PTPRG: variants seen among roughly 807,000 people sequenced by gnomAD.
PTPRG encodes protein tyrosine phosphatase receptor type G.
Under a neutral mutation model 165.3 loss-of-function variants are expected in PTPRG, and 102 were observed. That is an observed-to-expected ratio of 0.62 (90% confidence interval 0.53 to 0.73). The LOEUF is 0.73. Ranked by LOEUF, PTPRG falls within the 30% of genes least tolerant of loss-of-function variation. PTPRG has a pLI of 0.00. For missense variants in PTPRG, 1,866 were observed against 1,861.4 expected (o/e 1.00, Z -0.05); for synonymous variants, 675 against 669.5 (o/e 1.01, Z -0.13).
At chr3:61,963,857 A>G (rs944043633) in intron 2 of PTPRG, among the ~76,000 whole-genome samples, 1 of 152,108 alleles carries the variant, frequency 6.6e-6, no homozygotes, top group Admixed American at 6.6e-5. Flanking sequence ...TGTTGAAAAT[A>G]TGTGCAATAT....
chr3:62,106,454 T>C (rs1481867585), intron 5 of PTPRG, among the ~76,000 whole-genome samples: 2 of 152,046 alleles, frequency 1.3e-5, no homozygotes, highest in African/African-American at 4.8e-5. Context: ...GATAATTGTC[T>C]TATAGTCCTA....
intron 1 of PTPRG, among the ~76,000 whole-genome samples, chr3:61,608,555 A>G (rs371998062): frequency 2.6e-5 from 4 of 152,180 alleles, no homozygotes; most frequent in African/African-American, 7.2e-5. Context: ...GCCTGAGGGT[A>G]CAAGGTTGAG....
chr3:61,823,932 C>G (rs2036031091), intron 2 of PTPRG, among the ~76,000 whole-genome samples: 1 of 152,076 alleles, frequency 6.6e-6, no homozygotes, highest in Admixed American at 6.6e-5. Flanking sequence ...CGAGACCATC[C>G]TGGCTAACAC....
In PTPRG at chr3:61,978,803, A is replaced by G. The variant is rs183469718; in HGVS notation, c.191-10822A>G. On this transcript the variant is annotated intron_variant, in intron 2 of 29. Transcript: ENST00000474889. ...GACAATATATGAATGAACGGATATGACCAAGTTCCAATAAAACTGTTTATA... is the reference window on the plus strand; with the variant it reads ...GACAATATATGAATGAACGGATATGGCCAAGTTCCAATAAAACTGTTTATA... Among the ~76,000 whole-genome samples, 35 of 152,304 alleles carry G rather than the reference A, an allele frequency of 2.3e-4. 1 individual carries two copies. Among genetic ancestry groups the G allele is most frequent in the Non-Finnish European group, 4.9e-4 (33 of 68,028 alleles).
intron 1 of PTPRG, among the ~76,000 whole-genome samples, chr3:61,680,055 C>G (rs1703377083): frequency 6.6e-6 from 1 of 152,176 alleles, no homozygotes; most frequent in Non-Finnish European, 1.5e-5. Flanking sequence ...AATCCCAAAG[C>G]AAAACTGATG....
At chr3:61,823,029 C>T (rs1444774472) in intron 2 of PTPRG, among the ~76,000 whole-genome samples, 1 of 152,196 alleles carries the variant, frequency 6.6e-6, no homozygotes, top group Non-Finnish European at 1.5e-5. Context: ...ACTCATTGTG[C>T]TGCCTTTCCT....
chr3:61,760,033 T>C (rs575113881), intron 2 of PTPRG, among the ~76,000 whole-genome samples: 24 of 152,292 alleles, frequency 1.6e-4, no homozygotes, highest in African/African-American at 4.8e-4. Context: ...TTAAGTCATA[T>C]TTGAGATTTT....
chr3:61,621,379 G>A lies in PTPRG; in HGVS notation c.85+59007G>A, dbSNP rs1205125591. ...AAACTTTACTGATTACGTGGTATGT[G>A]CTATAGATGGGATTGGATTAATACT... On this transcript the variant is annotated intron_variant, in intron 1 of 29. Coordinates refer to ENST00000474889, the MANE Select transcript of PTPRG (RefSeq NM_002841.4). Among the ~76,000 whole-genome samples the A allele has an allele frequency of 2.6e-5, 4 of 152,226 alleles. 1 individual carries two copies. In the South Asian group the frequency reaches 6.2e-4, roughly 24 times the overall value.
At chr3:61,850,274 C>T (rs1309931097) in intron 2 of PTPRG, among the ~76,000 whole-genome samples, 1 of 152,120 alleles carries the variant, frequency 6.6e-6, no homozygotes. Flanking sequence ...GCGATTCTCC[C>T]TGCCTCAGCC....
chr3:62,125,515 A>G (rs1456503847), intron 5 of PTPRG, among the ~76,000 whole-genome samples: 1 of 152,124 alleles, frequency 6.6e-6, no homozygotes, highest in Non-Finnish European at 1.5e-5. Context: ...TGCCTTCTCC[A>G]CTAAGCCTTT....
intron 2 of PTPRG, among the ~76,000 whole-genome samples, chr3:61,936,131 A>G (rs2039478720): frequency 6.6e-6 from 1 of 152,220 alleles, no homozygotes; most frequent in East Asian, 1.9e-4. Flanking sequence ...AGCAGAGAAC[A>G]GCTCTCATCA....
intron 12 of PTPRG, among the ~76,000 whole-genome samples, chr3:62,205,844 A>G (rs975733456): frequency 4.0e-5 from 6 of 150,274 alleles, no homozygotes; most frequent in Non-Finnish European, 7.4e-5. Flanking sequence ...TCTTGGCTGC[A>G]GTGTTACTTG....
At chr3:61,835,446 G>C (rs2036429295) in intron 2 of PTPRG, among the ~76,000 whole-genome samples, 3 of 152,060 alleles carry the variant, frequency 2.0e-5, no homozygotes, top group South Asian at 4.1e-4. Flanking sequence ...CGATTCTCCT[G>C]CCTCAGCCTC....
At chr3:61,724,402 G>A (rs933803952) in intron 1 of PTPRG, among the ~76,000 whole-genome samples, 1 of 151,956 alleles carries the variant, frequency 6.6e-6, no homozygotes, top group East Asian at 1.9e-4. Flanking sequence ...CCTTTTGAGG[G>A]AGATTTTGGT....
chr3:62,094,574 TG>T (rs1702047597), intron 5 of PTPRG, among the ~76,000 whole-genome samples: 2 of 152,222 alleles, frequency 1.3e-5, no homozygotes, highest in Non-Finnish European at 2.9e-5. Flanking sequence ...GTTATTGCCA[TG>T]CAGCTCCCCT....
At chr3:61,974,287 T>C (rs1314826635) in intron 2 of PTPRG, among the ~76,000 whole-genome samples, 1 of 152,102 alleles carries the variant, frequency 6.6e-6, no homozygotes, top group Non-Finnish European at 1.5e-5. Flanking sequence ...ATGTCATTAA[T>C]CTTCTCAAAT....
intron 1 of PTPRG, among the ~76,000 whole-genome samples, chr3:61,747,007 C>G (rs2033233299): frequency 6.6e-6 from 1 of 152,062 alleles, no homozygotes; most frequent in African/African-American, 2.4e-5. Flanking sequence ...GCTGATGGTC[C>G]CAGCTACTCA....
At chr3:61,995,981 G>A (rs547969343) in intron 3 of PTPRG, among the ~76,000 whole-genome samples, 37 of 151,912 alleles carry the variant, frequency 2.4e-4, no homozygotes, top group Middle Eastern at 6.8e-3. Context: ...ATTTGCCTCC[G>A]CTGGGGCATG....
intron 2 of PTPRG, among the ~76,000 whole-genome samples, chr3:61,843,264 A>G (rs1259415110): frequency 6.6e-6 from 1 of 152,212 alleles, no homozygotes; most frequent in Non-Finnish European, 1.5e-5. Flanking sequence ...AACAAAATCA[A>G]GGGTTTATAC....
Sources: gnomAD v4.1 joint callset for allele counts (sites outside exome capture counted in the v4.1 genomes callset) on GRCh38, gnomAD v4.1.1 for gene constraint, MANE v1.5 for transcripts, NCBI Gene and HGNC (gene_info 2026-07-23, HGNC 2026-07-21) for gene names.